Variants in RTN4 observed in about 807,000 individuals in gnomAD.
The protein encoded by RTN4 is reticulon 4.
A neutral mutation model predicts 90.4 loss-of-function variants in RTN4; 32 were observed. The ratio of observed to expected loss-of-function variants is 0.35; its 90% CI spans 0.27 to 0.48. The LOEUF (loss-of-function observed/expected upper bound fraction) is 0.48, where lower values mean the gene tolerates loss of function less well. Ranked by LOEUF, RTN4 falls within the 20% of genes least tolerant of loss-of-function variation. The pLI is 0.99. For synonymous variants in RTN4, 629 were observed against 552.5 expected (o/e 1.14, Z -1.94); for missense variants, 1,706 against 1,430.2 (o/e 1.19, Z -3.11).
At chr2:55,038,732 T>C (rs1682861772) in intron 1 of RTN4, among the ~76,000 whole-genome samples, 1 of 152,222 alleles carries the variant, frequency 6.6e-6, no homozygotes, top group Non-Finnish European at 1.5e-5. Flanking sequence ...AGTTACCCCA[T>C]GACTCAGCAA....
chr2:55,015,319 C>T (rs1402414881), intron 3 of RTN4, among the ~76,000 whole-genome samples: 1 of 152,100 alleles, frequency 6.6e-6, no homozygotes, highest in African/African-American at 2.4e-5. Flanking sequence ...GCAAAATAAT[C>T]CCTAATCGGA....
At chr2:55,046,912 G>C (rs1667778255) in intron 1 of RTN4, 1 of 152,170 alleles carries the variant, frequency 6.6e-6, no homozygotes, top group Admixed American at 6.5e-5. Context: ...TCCAACCTCA[G>C]CATTCCAACA....
chr2:54,999,749 C>T (rs1340970829), intron 3 of RTN4, among the ~76,000 whole-genome samples: 2 of 151,894 alleles, frequency 1.3e-5, no homozygotes, highest in Non-Finnish European at 2.9e-5. Context: ...TTCCCAAATG[C>T]CAGGAAAAGT....
At chr2:54,993,018 G>A (rs1273778715) in intron 3 of RTN4, among the ~76,000 whole-genome samples, 2 of 146,220 alleles carry the variant, frequency 1.4e-5, no homozygotes, top group African/African-American at 2.6e-5. Context: ...AGGTTGCAGT[G>A]AGCCGAGATT....
At chr2:55,120,528 A>G in the RTN4 span, among the ~76,000 whole-genome samples, 1 of 152,096 alleles carries the variant, frequency 6.6e-6, no homozygotes, top group Non-Finnish European at 1.5e-5. Flanking sequence ...CTCAGCAGTC[A>G]GAAGACGAGC....
chr2:55,025,303 G>A lies in RTN4; in HGVS notation c.2796C>T (p.Ile932=). 3 of 1,613,918 alleles carry A rather than the reference G, an allele frequency of 1.9e-6. No homozygotes were observed. Among genetic ancestry groups the A allele is most frequent in the Non-Finnish European group, 2.5e-6 (3 of 1,179,884 alleles). Residue 932 remains isoleucine, a synonymous_variant, in exon 3 of 9, where the codon ATC becomes ATT. Transcript: ENST00000337526. ...KNIQPKVEEK[I]SFSDDFSKNG... ...TTTTAGAAAAGTCATCTGAGAAACT[G>A]ATTTTCTCTTCAACTTTGGGTTGTA... is the stretch of plus-strand genomic sequence containing the variant.
At chr2:54,973,461 G>C in intron 8 of RTN4, 102 bp downstream of exon 8, 1 of 939,844 alleles carries the variant, frequency 1.1e-6, no homozygotes, top group Non-Finnish European at 1.7e-6. Flanking sequence ...CTTAAGGTCT[G>C]ATAGAGATTT....
At chr2:55,054,010 T>C (rs1438380280), upstream of RTN4, among the ~76,000 whole-genome samples, 1 of 152,202 alleles carries the variant, frequency 6.6e-6, no homozygotes, top group Admixed American at 6.5e-5. Context: ...ATTGGTACAA[T>C]GTACATTATT....
intron 1 of RTN4, among the ~76,000 whole-genome samples, chr2:55,042,119 T>C (rs1683114850): frequency 6.6e-6 from 1 of 152,074 alleles, no homozygotes. Context: ...TGCTAAACAA[T>C]GTATTAGTTC....
chr2:55,032,892 G>C (rs1169809303), intron 1 of RTN4, among the ~76,000 whole-genome samples: 1 of 151,978 alleles, frequency 6.6e-6, no homozygotes, highest in Admixed American at 6.6e-5. Context: ...AGCCGGTGTA[G>C]TGGTGCACAC....
chr2:55,007,344 G>A (rs1050327805), intron 3 of RTN4, among the ~76,000 whole-genome samples: 8 of 152,054 alleles, frequency 5.3e-5, no homozygotes, highest in African/African-American at 1.9e-4. Context: ...TCCCCCAGTT[G>A]ATCTTATGCA....
intron 1 of RTN4, among the ~76,000 whole-genome samples, chr2:55,095,710 T>C (rs1669018825): frequency 6.6e-6 from 1 of 152,204 alleles, no homozygotes. Flanking sequence ...GGCTAATTTT[T>C]AAATTTTTTT....
chr2:55,025,909 A>G lies in RTN4; in HGVS notation c.2190T>C (p.Asp730=). ...AGGAATCTTCAACTAGCTCAGAATG[A>G]TCAGGCACTGGCTGTTCAACTTTTG... ...EMAKVEQPVP[D]HSELVEDSSP... Residue 730 remains aspartate, a synonymous_variant, in exon 3 of 9, where the codon GAT becomes GAC. Coordinates refer to ENST00000337526, the MANE Select transcript of RTN4 (RefSeq NM_020532.5). 6.2e-7 allele frequency: 1 copy of G among 1,613,702 alleles called. No individual in the cohort carries two copies. The highest frequency in any genetic ancestry group is 8.5e-7 in the Non-Finnish European group (1 of 1,179,850).
chr2:55,048,618 T>C (rs747152679), intron 1 of RTN4, among the ~76,000 whole-genome samples: 1 of 152,160 alleles, frequency 6.6e-6, no homozygotes, highest in African/African-American at 2.4e-5. Context: ...TACAACCTTA[T>C]GGAGCCACCG....
intron 4 of RTN4, among the ~76,000 whole-genome samples, chr2:54,982,875 T>G (rs1388960456): frequency 3.3e-5 from 5 of 152,218 alleles, no homozygotes; most frequent in Non-Finnish European, 7.3e-5. Context: ...GAAGCCAGAC[T>G]GATCTGGGCT....
chr2:55,120,496 T>G, the RTN4 span, among the ~76,000 whole-genome samples: 1 of 151,984 alleles, frequency 6.6e-6, no homozygotes, highest in Admixed American at 6.6e-5. Flanking sequence ...GTCCCTCCAT[T>G]CTGCTTGTCC....
chr2:55,076,116 A>G (rs988706524), intron 2 of RTN4, among the ~76,000 whole-genome samples: 1 of 152,230 alleles, frequency 6.6e-6, no homozygotes, highest in East Asian at 1.9e-4. Context: ...CTGCACAGCA[A>G]AAGAAATAAT....
intron 1 of RTN4, among the ~76,000 whole-genome samples, chr2:55,091,265 C>T (rs1020887650): frequency 1.3e-5 from 2 of 152,170 alleles, no homozygotes; most frequent in African/African-American, 2.4e-5. Flanking sequence ...GTGATTGGGC[C>T]GTGTTTACCA....
chr2:55,002,887 A>G (rs1424503460), intron 3 of RTN4, among the ~76,000 whole-genome samples: 2 of 152,200 alleles, frequency 1.3e-5, no homozygotes, highest in Non-Finnish European at 2.9e-5. Context: ...ACTAGAATTG[A>G]TCAAGACCTG....
Sources: gnomAD v4.1 joint callset for allele counts (sites outside exome capture counted in the v4.1 genomes callset) on GRCh38, gnomAD v4.1.1 for gene constraint, MANE v1.5 for transcripts, NCBI Gene and HGNC (gene_info 2026-07-23, HGNC 2026-07-21) for gene names.